Variants in GARRE1 observed in about 807,000 individuals in gnomAD.
GARRE1 encodes granule associated Rac and RHOG effector 1, also known as granule associated Rac and RHOG effector protein 1.
In GARRE1, 49 loss-of-function variants were observed where a neutral mutation model predicts 103.2. That is an observed-to-expected ratio of 0.47 (90% CI 0.38 to 0.60). The LOEUF (loss-of-function observed/expected upper bound fraction) is 0.60, where lower values mean the gene tolerates loss of function less well. Among genes scored for constraint, GARRE1 ranks in the 20% least tolerant of loss-of-function variants. GARRE1 has a pLI of 0.00. For synonymous variants in GARRE1, 505 were observed against 532.8 expected (o/e 0.95, Z 0.72); for missense variants, 1,199 against 1,370.5 (o/e 0.87, Z 1.98).
intron 8 of GARRE1, among the ~76,000 whole-genome samples, chr19:34,334,914 C>T (rs1370809786): frequency 2.0e-5 from 3 of 151,736 alleles, no homozygotes; most frequent in Admixed American, 6.6e-5. Context: ...ATTAGCCGGG[C>T]GTGGTGGCAT....
rs756198465 is a variant in GARRE1 at position 34,341,451 on chromosome 19, A to C, written c.1517A>C (p.Gln506Pro). 6.2e-7 allele frequency: 1 copy of C among 1,613,862 alleles called. No individual in the cohort carries two copies. The highest frequency in any genetic ancestry group is 2.2e-5 in the East Asian group (1 of 44,884). The part of the protein sequence containing the change: ...REQALPCIQI[Q>P]LQREICDFGN... ...CAAGCTTTACCCTGCATACAGATCCAGCTGCAAAGGGAGATCTGTGATTTT... is the reference window on the plus strand; with the variant it reads ...CAAGCTTTACCCTGCATACAGATCCCGCTGCAAAGGGAGATCTGTGATTTT... Residue 506 changes from glutamine to proline, a missense_variant, in exon 10 of 14, where the codon CAG (glutamine) becomes CCG (proline). By Grantham distance (76) the Gln-to-Pro change is moderately conservative. Coordinates refer to ENST00000299505, the MANE Select transcript of GARRE1 (RefSeq NM_014686.5).
At chr19:34,293,154 A>G (rs551425746) in intron 1 of GARRE1, among the ~76,000 whole-genome samples, 3 of 152,344 alleles carry the variant, frequency 2.0e-5, no homozygotes, top group African/African-American at 7.2e-5. Context: ...TTTTACATGC[A>G]TATTAGCTTA....
chr19:34,287,465 A>C (rs1177129559), intron 1 of GARRE1, among the ~76,000 whole-genome samples: 1 of 152,022 alleles, frequency 6.6e-6, no homozygotes, highest in East Asian at 1.9e-4. Context: ...CCCTCATCCT[A>C]GTTTTACTAA....
chr19:34,291,861 CTT>C (rs35386109), intron 1 of GARRE1, among the ~76,000 whole-genome samples: 15 of 142,030 alleles, frequency 1.1e-4, no homozygotes, highest in Admixed American at 1.4e-4. Flanking sequence ...CATAAATCTA[CTT>C]TTTTTTTTTT....
chr19:34,293,750 CTTTTTTTTTT>C (rs71165643), intron 1 of GARRE1, among the ~76,000 whole-genome samples: 19 of 47,164 alleles, frequency 4.0e-4, no homozygotes, highest in South Asian at 1.4e-3. Flanking sequence ...ACACATATTT[CTTTTTTTTTT>C]TTTTTTTTTT....
At chr19:34,278,392 C>T (rs760488319) in intron 1 of GARRE1, among the ~76,000 whole-genome samples, 1 of 146,988 alleles carries the variant, frequency 6.8e-6, no homozygotes, top group Non-Finnish European at 1.5e-5. Context: ...TACAGTAAAC[C>T]GAAATTGTGC....
rs533152838 is a variant in GARRE1, at chr19:34,321,158, G to A, written c.705+1042G>A. The stretch of plus-strand genomic sequence containing the variant: ...TGCAAGCTCTGCCTCCCAGGTTCAC[G>A]CCATTCTCCTGCCTCGGCCTCCCGA... On this transcript the variant is annotated intron_variant, in intron 3 of 13. Transcript: ENST00000299505. Among the ~76,000 whole-genome samples, 170 of 132,530 alleles carry A rather than the reference G, an allele frequency of 1.3e-3. 1 individual carries two copies. The highest frequency in any genetic ancestry group is 4.8e-3 in the Middle Eastern group (1 of 210). The allele number at this position is 132,530 out of a possible 152,430, so 86.9% of individuals were successfully genotyped here.
At chr19:34,305,866 G>T (rs1369517839) in intron 2 of GARRE1, among the ~76,000 whole-genome samples, 1 of 152,194 alleles carries the variant, frequency 6.6e-6, no homozygotes, top group Non-Finnish European at 1.5e-5. Context: ...TACATAATGG[G>T]CTGAACAGGC....
chr19:34,290,539 C>T (rs1176621688), intron 1 of GARRE1, among the ~76,000 whole-genome samples: 1 of 151,864 alleles, frequency 6.6e-6, no homozygotes, highest in Non-Finnish European at 1.5e-5. Context: ...ACTCTGTTAC[C>T]CAGGCTGGAG....
chr19:34,324,095 C>A (rs748145184), intron 3 of GARRE1, among the ~76,000 whole-genome samples: 5 of 152,134 alleles, frequency 3.3e-5, no homozygotes, highest in Middle Eastern at 3.2e-3. Flanking sequence ...GCCTTGCCCC[C>A]ATCCTCGAGG....
chr19:34,340,068 C>A, intron 9 of GARRE1, 76 bp downstream of exon 9: 1 of 1,481,072 alleles, frequency 6.8e-7, no homozygotes, highest in South Asian at 1.1e-5. Flanking sequence ...GTGCTTGTGT[C>A]ATTGATAGTA....
chr19:34,341,266 A>ACC, intron 9 of GARRE1, 156 bp from the exon 10 acceptor site: 1 of 635,524 alleles, frequency 1.6e-6, no homozygotes. Context: ...TACTCTCCAA[A>ACC]CCCCTGGGTG....
chr19:34,324,402 CAT>C (rs1296108437), intron 3 of GARRE1, among the ~76,000 whole-genome samples: 3 of 152,122 alleles, frequency 2.0e-5, no homozygotes, highest in South Asian at 4.1e-4. Flanking sequence ...ATTTCAGGCA[CAT>C]AGAACATTTC....
rs2074148339 is a variant in GARRE1 at position 34,333,771 on chromosome 19, C to T, written c.1331C>T (p.Ser444Phe). Residue 444 changes from serine to phenylalanine, a missense_variant, in exon 8 of 14, where the codon TCT becomes TTT. Ser to Phe is a radical substitution (Grantham distance 155). Coordinates refer to ENST00000299505, the MANE Select transcript of GARRE1 (RefSeq NM_014686.5). ...GCCCCCCAGATCAGTTTAGAAGGCTCTAGAATCGTGGTTCAAGTCCCATCC... is the reference window on the plus strand; with the variant it reads ...GCCCCCCAGATCAGTTTAGAAGGCTTTAGAATCGTGGTTCAAGTCCCATCC... ...AYAPQISLEG[S>F]RIVVQVPSTW... is the part of the protein sequence containing the mutation. 6.2e-7 allele frequency: 1 copy of T among 1,608,452 alleles called. No homozygotes were observed. Among genetic ancestry groups the T allele is most frequent in the Non-Finnish European group, 8.5e-7 (1 of 1,177,224 alleles).
intron 1 of GARRE1, among the ~76,000 whole-genome samples, chr19:34,260,821 C>T (rs1379226042): frequency 6.6e-6 from 1 of 152,142 alleles, no homozygotes; most frequent in Non-Finnish European, 1.5e-5. Flanking sequence ...CAGCTATAAC[C>T]CCAGGAAGGC....
intron 2 of GARRE1, among the ~76,000 whole-genome samples, chr19:34,307,630 CATAT>C (rs1257408907): frequency 5.7e-5 from 8 of 140,896 alleles, no homozygotes; most frequent in Non-Finnish European, 1.1e-4. Flanking sequence ...CTTATATATA[CATAT>C]ATACTTATAT....
At chr19:34,343,482 A>G (rs2074196678) in intron 10 of GARRE1, among the ~76,000 whole-genome samples, 1 of 152,194 alleles carries the variant, frequency 6.6e-6, no homozygotes, top group East Asian at 1.9e-4. Context: ...CTTAATAGCA[A>G]TACATTTGGA....
intron 1 of GARRE1, among the ~76,000 whole-genome samples, chr19:34,280,869 A>G (rs1252872231): frequency 6.6e-6 from 1 of 151,110 alleles, no homozygotes; most frequent in Non-Finnish European, 1.5e-5. Context: ...ACTAGTTCTG[A>G]TTCTTTTTGG....
Position 34,349,160 on chromosome 19 carries a change from A to G in GARRE1, c.2825+7A>G. ...CTGCTGTCAAGCAGAGAAGGTATGA[A>G]GGGATTTCTAAACCAAGGTGGGGAG... On this transcript the variant is annotated splice_region_variant and intron_variant, in intron 12 of 13. Transcript: ENST00000299505. 1 of 1,611,496 alleles carries G rather than the reference A, an allele frequency of 6.2e-7. No homozygotes were observed. The highest frequency in any genetic ancestry group is 1.3e-5 in the African/African-American group (1 of 75,028).
Sources: gnomAD v4.1 joint callset for allele counts (sites outside exome capture counted in the v4.1 genomes callset) on GRCh38, gnomAD v4.1.1 for gene constraint, MANE v1.5 for transcripts, NCBI Gene and HGNC (gene_info 2026-07-23, HGNC 2026-07-21) for gene names.